Variants in FOXP2 observed in about 807,000 individuals in gnomAD.
FOXP2 encodes forkhead box P2.
FOXP2 carries 12 observed loss-of-function variants against 115.8 expected under a neutral mutation model. The observed-to-expected ratio is 0.10, with a 90% CI of 0.07 to 0.17. The LOEUF is 0.17. Ranked by LOEUF, FOXP2 falls within the 10% of genes least tolerant of loss-of-function variation. The pLI, the probability that FOXP2 is intolerant of heterozygous loss-of-function variation, is 1.00. For synonymous variants in FOXP2, 328 were observed against 297.7 expected (o/e 1.10, Z -1.05); for missense variants, 629 against 843.5 (o/e 0.75, Z 3.15).
intron 1 of FOXP2, among the ~76,000 whole-genome samples, chr7:114,219,519 C>T (rs1157710864): frequency 6.6e-6 from 1 of 152,128 alleles, no homozygotes; most frequent in East Asian, 1.9e-4. Flanking sequence ...GCACTTTAAA[C>T]GACCTACTTT....
chr7:114,689,181 T>C (rs1808529877), intron 16 of FOXP2, among the ~76,000 whole-genome samples: 1 of 152,170 alleles, frequency 6.6e-6, no homozygotes, highest in Admixed American at 6.6e-5. Flanking sequence ...ACATAATGTA[T>C]GTACACACAC....
At chr7:114,268,852 A>G (rs569593718) in intron 1 of FOXP2, among the ~76,000 whole-genome samples, 61 of 152,312 alleles carry the variant, frequency 4.0e-4, no homozygotes, top group African/African-American at 1.4e-3. Flanking sequence ...TGTTGAATCT[A>G]TATTTTAAAG....
intron 1 of FOXP2, among the ~76,000 whole-genome samples, chr7:114,267,332 C>T (rs1034210895): frequency 4.6e-5 from 7 of 152,146 alleles, no homozygotes; most frequent in African/African-American, 1.7e-4. Flanking sequence ...TCTTCCATTA[C>T]TTTCATTTAC....
chr7:114,633,876 T>G (rs1400726284), intron 6 of FOXP2, among the ~76,000 whole-genome samples: 1 of 152,186 alleles, frequency 6.6e-6, no homozygotes, highest in East Asian at 1.9e-4. Context: ...TATTATCAGT[T>G]TCCAGTTCAC....
At chr7:114,674,384 C>T (rs531526496) in intron 16 of FOXP2, among the ~76,000 whole-genome samples, 1 of 152,242 alleles carries the variant, frequency 6.6e-6, no homozygotes, top group East Asian at 1.9e-4. Context: ...TTTGAATCCC[C>T]TTTTCATAAT....
intron 3 of FOXP2, among the ~76,000 whole-genome samples, chr7:114,568,243 T>C (rs1309284871): frequency 2.6e-5 from 4 of 152,046 alleles, no homozygotes; most frequent in African/African-American, 9.7e-5. Context: ...TAATATGCTT[T>C]ATTTCTCTCT....
chr7:114,512,836 C>T (rs536746615), intron 2 of FOXP2, among the ~76,000 whole-genome samples: 2 of 152,202 alleles, frequency 1.3e-5, no homozygotes, highest in South Asian at 4.1e-4. Context: ...GTAATCCCAG[C>T]ACTTTGGGAG....
rs147723580 is a variant in FOXP2, at chr7:114,338,996, AT to A, written c.-11+50890del. On this transcript the variant is annotated intron_variant, in intron 2 of 17. Coordinates refer to the FOXP2 transcript ENST00000634411. ...GGTCCACAAGGGATGATAAGCCAATATTTCTTGTCCCATATTCCAGATGTTT... is the reference window on the plus strand; with the variant it reads ...GGTCCACAAGGGATGATAAGCCAATATTCTTGTCCCATATTCCAGATGTTT... Among the ~76,000 whole-genome samples, 971 of 151,154 alleles carry A rather than the reference AT, an allele frequency of 6.4e-3. 8 individuals are homozygous for A. Among genetic ancestry groups the A allele is most frequent in the African/African-American group, 0.023 (938 of 41,458 alleles).
At chr7:114,686,298 G>A (rs1441458778) in intron 16 of FOXP2, among the ~76,000 whole-genome samples, 2 of 151,684 alleles carry the variant, frequency 1.3e-5, no homozygotes, top group African/African-American at 4.8e-5. Context: ...TCGGCCTCCC[G>A]AGTAACTGGG....
At chr7:114,629,283 C>T (rs1804762027) in intron 4 of FOXP2, among the ~76,000 whole-genome samples, 2 of 152,124 alleles carry the variant, frequency 1.3e-5, no homozygotes, top group Admixed American at 1.3e-4. Context: ...ATATTATACA[C>T]TTACTTATTA....
intron 1 of FOXP2, among the ~76,000 whole-genome samples, chr7:114,244,952 CG>C: frequency 6.6e-6 from 1 of 152,098 alleles, no homozygotes; most frequent in East Asian, 1.9e-4. Flanking sequence ...TTAGTAGAGA[CG>C]GGGTTTCACC....
intron 1 of FOXP2, among the ~76,000 whole-genome samples, chr7:114,090,813 C>CT (rs962777347): frequency 6.7e-4 from 98 of 145,970 alleles, no homozygotes; most frequent in Middle Eastern, 7.2e-3. Flanking sequence ...ATTCTTGGAA[C>CT]TTTTTTTTTT....
chr7:114,288,254 T>G, intron 2 of FOXP2: 2 of 369,724 alleles, frequency 5.4e-6, no homozygotes, highest in Admixed American at 3.4e-5. Flanking sequence ...TTGAGACATG[T>G]TAAGTGTGGC....
At chr7:114,482,219 A>C (rs2129238056) in intron 2 of FOXP2, among the ~76,000 whole-genome samples, 1 of 151,646 alleles carries the variant, frequency 6.6e-6, no homozygotes, top group East Asian at 1.9e-4. Context: ...AATAGTTCTA[A>C]TAGGAATTGG....
intron 2 of FOXP2, among the ~76,000 whole-genome samples, chr7:114,438,003 G>C (rs1794429838): frequency 6.6e-6 from 1 of 152,060 alleles, no homozygotes. Context: ...GTTTATAACT[G>C]ATTACATTAA....
chr7:114,688,167 C>A (rs1444674394), intron 16 of FOXP2, among the ~76,000 whole-genome samples: 1 of 115,978 alleles, frequency 8.6e-6, no homozygotes, highest in African/African-American at 3.3e-5. Context: ...TCCTTTTATT[C>A]TTCTCTCCTA....
intron 2 of FOXP2, among the ~76,000 whole-genome samples, chr7:114,292,562 A>G (rs910517010): frequency 5.3e-5 from 8 of 152,138 alleles, no homozygotes; most frequent in African/African-American, 1.7e-4. Context: ...CATCTTTGTC[A>G]ATGTACATCT....
chr7:114,454,740 A>G (rs949273236), intron 2 of FOXP2, among the ~76,000 whole-genome samples: 122 of 131,218 alleles, frequency 9.3e-4, no homozygotes, highest in Non-Finnish European at 1.5e-3. Flanking sequence ...AAAATTGGAA[A>G]TCATCATTCT....
chr7:114,232,503 A>G (rs1794905975), intron 1 of FOXP2, among the ~76,000 whole-genome samples: 1 of 152,108 alleles, frequency 6.6e-6, no homozygotes, highest in Admixed American at 6.6e-5. Context: ...AAATTATGGT[A>G]TTTACATACA....
Sources: allele counts gnomAD v4.1 joint callset (sites outside exome capture counted in the v4.1 genomes callset), GRCh38; gene constraint gnomAD v4.1.1; transcripts MANE v1.5; gene names NCBI Gene and HGNC (gene_info 2026-07-23, HGNC 2026-07-21).